The following DIP2C variants were observed in gnomAD, a reference collection of about 807,000 sequenced individuals.
The protein encoded by DIP2C is DIP2 acetate--CoA ligase C (putative).
Under a neutral mutation model 192.4 loss-of-function variants are expected in DIP2C, and 33 were observed. That is an observed-to-expected ratio of 0.17 (90% CI 0.13 to 0.23). The LOEUF is 0.23. Ranked by LOEUF, DIP2C falls within the 10% of genes least tolerant of loss-of-function variation. DIP2C has a pLI of 1.00. For synonymous variants in DIP2C, 979 were observed against 864.1 expected (o/e 1.13, Z -2.33); for missense variants, 1,537 against 2,110.1 (o/e 0.73, Z 5.32).
Position 354,092 on chromosome 10 carries a change from A to G in DIP2C, c.2985+2334T>C, listed in dbSNP as rs114215968. Among the ~76,000 whole-genome samples the G allele has an allele frequency of 5.8e-3, 885 of 152,296 alleles. 9 individuals carry two copies. The highest frequency in any genetic ancestry group is 0.02 in the African/African-American group (820 of 41,570). ...ATGCTTGGCGCAAAATAACACAAGC[A>G]ATAGCTCAAGCGTGCCTGCCTCTGT... On this transcript the variant is annotated intron_variant, in intron 24 of 36. Coordinates refer to ENST00000280886, the MANE Select transcript of DIP2C (RefSeq NM_014974.3).
At chr10:419,259 A>G in intron 5 of DIP2C, 60 bp from the exon 6 acceptor site, 1 of 1,609,808 alleles carries the variant, frequency 6.2e-7, no homozygotes, top group Non-Finnish European at 8.5e-7. Flanking sequence ...TGAAGGTGGA[A>G]CAAGCCACAG....
Position 414,121 on chromosome 10 carries a change from T to A in DIP2C, c.860-11A>T. On this transcript the variant is annotated splice_polypyrimidine_tract_variant and intron_variant, in intron 7 of 36. Coordinates refer to ENST00000280886, the MANE Select transcript of DIP2C (RefSeq NM_014974.3). ...GATCCGGTTGTTGAACTAAATCGTT[T>A]GAATACAAGAGGTTACAAGAGAAAT... 6.2e-7 allele frequency: 1 copy of A among 1,607,564 alleles called. No homozygotes were observed. The highest frequency in any genetic ancestry group is 1.3e-5 in the African/African-American group (1 of 74,942).
chr10:514,329 T>C (rs1212984977), intron 1 of DIP2C, among the ~76,000 whole-genome samples: 1 of 152,178 alleles, frequency 6.6e-6, no homozygotes, highest in Non-Finnish European at 1.5e-5. Flanking sequence ...CCCAATTAAG[T>C]GAACTGAGCA....
chr10:593,470 C>A (rs1265280324), intron 1 of DIP2C, among the ~76,000 whole-genome samples: 6 of 148,454 alleles, frequency 4.0e-5, no homozygotes, highest in African/African-American at 1.5e-4. Context: ...TGCCGCCCTG[C>A]TCTGCCCACG....
rs1470609005 is a variant in DIP2C, at chr10:378,367, CAACACA to C, written c.1991+4274_1991+4279del. ...CAGACACACATGAAGGCACACACATCAACACAAACACGAAAACAGGCATACACAGGT... is the reference window on the plus strand; with the variant it reads ...CAGACACACATGAAGGCACACACATCAACACGAAAACAGGCATACACAGGT... On this transcript the variant is annotated intron_variant, in intron 17 of 36. Transcript: ENST00000280886. Among the ~76,000 whole-genome samples, 5 of 152,226 alleles carry C rather than the reference CAACACA, an allele frequency of 3.3e-5. No individual in the cohort carries two copies. The South Asian group carries it at 1.0e-3, about 32-fold the overall frequency.
chr10:312,312 C>T (rs1381722391), intron 31 of DIP2C, among the ~76,000 whole-genome samples: 1 of 152,214 alleles, frequency 6.6e-6, no homozygotes, highest in Admixed American at 6.5e-5. Context: ...CTTGGGCAAG[C>T]TCCTTGGATG....
intron 16 of DIP2C, 145 bp from the exon 17 acceptor site, chr10:382,906 TTATG>T (rs1048321291): frequency 3.9e-6 from 2 of 515,574 alleles, no homozygotes; most frequent in Admixed American, 3.8e-5. Context: ...AATTTATTAT[TTATG>T]TTACACTGAA....
intron 24 of DIP2C, 70 bp from the exon 25 acceptor site, chr10:349,524 C>G: frequency 6.5e-7 from 1 of 1,533,250 alleles, no homozygotes; most frequent in Non-Finnish European, 8.8e-7. Context: ...AGCGCGCACG[C>G]GTCATACAAC....
chr10:431,718 A>T (rs1249773966), intron 4 of DIP2C, among the ~76,000 whole-genome samples: 1 of 152,234 alleles, frequency 6.6e-6, no homozygotes, highest in Non-Finnish European at 1.5e-5. Flanking sequence ...TTCCCAATGA[A>T]TATGTATTTA....
rs1850629401 is a variant in DIP2C, at chr10:581,195, AC to A, written c.86-94666del. Among the ~76,000 whole-genome samples the A allele has an allele frequency of 7.2e-5, 11 of 152,238 alleles. No individual in the cohort carries two copies. The South Asian group carries it at 1.7e-3, about 23-fold the overall frequency. ...GCCACTTAGACGCTTTCTGATACTT[AC>A]TCTAGTCTACTTGTTTCCCTTTCTT... On this transcript the variant is annotated intron_variant, in intron 1 of 36. Coordinates refer to ENST00000280886, the MANE Select transcript of DIP2C (RefSeq NM_014974.3).
rs1441716390 is a variant in DIP2C at position 344,862 on chromosome 10, G to A, written c.3400C>T (p.Leu1134Phe). The A allele has an allele frequency of 3.7e-6, 6 of 1,606,896 alleles. No homozygotes were observed. The highest frequency in any genetic ancestry group is 5.1e-6 in the Non-Finnish European group (6 of 1,177,872). The change falls in exon 28 of 37, where the codon CTT becomes TTT. Residue 1134 changes from leucine (L) to phenylalanine (F), a missense_variant. Physicochemically the swap from Leu to Phe is conservative, Grantham distance 22. Around this residue, in one of 4 missense-constraint regions of DIP2C, gnomAD observed 46 missense variants for 28.9 expected, o/e 1.59. Transcript: ENST00000280886. ...QICKPCNPDT[L>F]AYLDFSVSTT... ...GACACGCTGAAGTCGAGATATGCAA[G>A]AGTGTCTGGGTTGCAAGGTTTGCAG...
chr10:501,208 T>G (rs1316554840), intron 1 of DIP2C, among the ~76,000 whole-genome samples: 1 of 152,230 alleles, frequency 6.6e-6, no homozygotes, highest in Non-Finnish European at 1.5e-5. Context: ...TGGTAAGATT[T>G]TGATGGTTTC....
chr10:485,913 G>T lies in DIP2C; in HGVS notation c.157+546C>A, dbSNP rs546383349. ...GAGATTCTTTTTCCTGACATTTACA[G>T]AACCCAGCTCAAGTGCAGGAAAGCT... On this transcript the variant is annotated intron_variant, in intron 2 of 36. Transcript: ENST00000280886. Among the ~76,000 whole-genome samples the T allele has an allele frequency of 8.5e-5, 13 of 152,296 alleles. 1 individual carries two copies. The South Asian group carries it at 2.7e-3, about 32-fold the overall frequency.
Position 599,945 on chromosome 10 carries a change from C to T in DIP2C, c.85+89549G>A, listed in dbSNP as rs189979307. On this transcript the variant is annotated intron_variant, in intron 1 of 36. Transcript: ENST00000280886. ...ATCTCCTGTGTACACCTCAAGAGGC[C>T]GGGTGTGCAGGAGGGGGCTTCCAGG... Among the ~76,000 whole-genome samples, 183 of 152,202 alleles carry T rather than the reference C, an allele frequency of 1.2e-3. 1 individual carries two copies. Among genetic ancestry groups the T allele is most frequent in the African/African-American group, 4.2e-3 (173 of 41,534 alleles).
intron 1 of DIP2C, among the ~76,000 whole-genome samples, chr10:627,563 G>A (rs774920219): frequency 1.3e-5 from 2 of 152,230 alleles, no homozygotes; most frequent in East Asian, 1.9e-4. Flanking sequence ...ACCCAGAAGT[G>A]CAGTAATTAG....
intron 8 of DIP2C, among the ~76,000 whole-genome samples, chr10:413,045 C>T (rs1025719062): frequency 2.6e-5 from 4 of 152,160 alleles, no homozygotes; most frequent in African/African-American, 9.7e-5. Flanking sequence ...AGTGCTGTGA[C>T]ACAATCATAG....
intron 1 of DIP2C, among the ~76,000 whole-genome samples, chr10:590,160 G>A (rs758595675): frequency 6.6e-6 from 1 of 152,224 alleles, no homozygotes. Context: ...CCGGAGTCAC[G>A]GCCTGAGCCC....
intron 8 of DIP2C, among the ~76,000 whole-genome samples, chr10:409,569 C>G (rs1474469639): frequency 3.3e-5 from 5 of 152,218 alleles, no homozygotes; most frequent in Non-Finnish European, 7.3e-5. Flanking sequence ...AAGGTCAGCA[C>G]AGAAACCGCG....
chr10:359,028 T>G (rs372004323), intron 22 of DIP2C, among the ~76,000 whole-genome samples: 1 of 152,058 alleles, frequency 6.6e-6, no homozygotes, highest in Non-Finnish European at 1.5e-5. Context: ...CATGCTGCAT[T>G]AGTTACTGCA....
Sources: gnomAD v4.1 joint callset for allele counts (sites outside exome capture counted in the v4.1 genomes callset) on GRCh38, gnomAD v4.1.1 for gene constraint, gnomAD v4.1.1 regional missense constraint, MANE v1.5 for transcripts, NCBI Gene and HGNC (gene_info 2026-07-23, HGNC 2026-07-21) for gene names.